HDLBP: variants seen among roughly 807,000 people sequenced by gnomAD.
HDLBP encodes vigilin.
HDLBP carries 30 observed loss-of-function variants against 137.3 expected under a neutral mutation model. The ratio of observed to expected loss-of-function variants is 0.22; its 90% CI spans 0.16 to 0.30. The LOEUF is 0.30. Ranked by LOEUF, HDLBP falls within the 10% of genes least tolerant of loss-of-function variation. The pLI is 1.00. For missense variants in HDLBP, 1,119 were observed against 1,667.3 expected (o/e 0.67, Z 5.73); for synonymous variants, 606 against 596.0 (o/e 1.02, Z -0.24).
Position 241,270,357 on chromosome 2 carries a change from T to TA in HDLBP, c.-102-1817dup, listed in dbSNP as rs1427294777. Among the ~76,000 whole-genome samples the TA allele has an allele frequency of 3.3e-5, 5 of 152,320 alleles. No homozygotes were observed. In the East Asian group the frequency reaches 9.6e-4, roughly 29 times the overall value. On this transcript the variant is annotated intron_variant, in intron 1 of 27. Transcript: ENST00000310931. ...GGTTTGACAGGCTATACTGGGTCCC[T>TA]AGCCTCCAGATTCCAAGTGGCAGTT...
intron 1 of HDLBP, among the ~76,000 whole-genome samples, chr2:241,309,826 C>T (rs1023551318): frequency 6.6e-6 from 1 of 152,226 alleles, no homozygotes; most frequent in Non-Finnish European, 1.5e-5. Flanking sequence ...TGCTCCCAGG[C>T]CTCTCTCCTC....
At chr2:241,241,722 G>A (rs1224365020) in intron 17 of HDLBP, among the ~76,000 whole-genome samples, 1 of 151,726 alleles carries the variant, frequency 6.6e-6, no homozygotes, top group African/African-American at 2.4e-5. Context: ...GAAAAAAAGT[G>A]CCATTTACAA....
chr2:241,282,755 T>TA (rs1196805242), intron 1 of HDLBP, among the ~76,000 whole-genome samples: 7 of 152,164 alleles, frequency 4.6e-5, no homozygotes, highest in African/African-American at 1.7e-4. Context: ...GCAGAGAACT[T>TA]AATCAATCAA....
intron 1 of HDLBP, among the ~76,000 whole-genome samples, chr2:241,299,673 T>C (rs1213205661): frequency 6.6e-6 from 1 of 152,174 alleles, no homozygotes; most frequent in Non-Finnish European, 1.5e-5. Context: ...CCCAGCACTC[T>C]GGGAGGCCTA....
intron 21 of HDLBP, chr2:241,236,144 T>G (rs2070395214): frequency 5.0e-6 from 1 of 198,900 alleles, no homozygotes; most frequent in South Asian, 1.1e-4. Context: ...GTTGACTGCT[T>G]GTCTCTCCAC....
rs2071130865 is a variant in HDLBP, at chr2:241,240,741, C to T, written c.2170-619G>A. ...CAGAGGCCTCGTGTAGTGCGACGCC[C>T]TTGTGTGGCAGTAAGAAAACGAGGG... On this transcript the variant is annotated intron_variant, in intron 17 of 27. Coordinates refer to ENST00000310931, the MANE Select transcript of HDLBP (RefSeq NM_005336.6). This position sits in a 1 kb window ranked among gnomAD's most constrained non-coding sequence, Gnocchi z 5.5. Among the ~76,000 whole-genome samples, 1 of 151,958 alleles carries T rather than the reference C, an allele frequency of 6.6e-6. No homozygotes were observed. The highest frequency in any genetic ancestry group is 1.5e-5 in the Non-Finnish European group (1 of 68,016).
At chr2:241,229,783 T>TGGGG in intron 27 of HDLBP, 50 bp downstream of exon 27, 16 of 1,524,606 alleles carry the variant, frequency 1.0e-5, no homozygotes, top group Non-Finnish European at 1.3e-5. Flanking sequence ...CAAGCCCGCC[T>TGGGG]GCCCGCCCAC....
rs1340226483 is a variant in HDLBP, at chr2:241,248,269, C to T, written c.1592G>A (p.Arg531His). The T allele has an allele frequency of 8.7e-6, 14 of 1,613,640 alleles. No individual in the cohort carries two copies. Among genetic ancestry groups the T allele is most frequent in the African/African-American group, 1.3e-5 (1 of 74,914 alleles). The change falls in exon 13 of 28, where the codon CGT becomes CAT. Residue 531 changes from arginine (R) to histidine (H), a missense_variant. This residue lies in a region of HDLBP where 425 missense variants were observed against 693.9 expected (regional missense o/e 0.61). Coordinates refer to ENST00000310931, the MANE Select transcript of HDLBP (RefSeq NM_005336.6). ...CTCTGGGAATTTGTCACGAATTTCA[C>T]GGATCCGTTCACCCTTCTGCCCAAT... ...TIIGQKGERI[R>H]EIRDKFPEVI...
At chr2:241,243,333 C>A (rs902823810) in intron 16 of HDLBP, among the ~76,000 whole-genome samples, 2 of 152,218 alleles carry the variant, frequency 1.3e-5, no homozygotes, top group African/African-American at 4.8e-5. Flanking sequence ...TCACCCTGGG[C>A]CTGGGAAAGA....
chr2:241,260,248 TGCCCGCCTCA>T lies in HDLBP; in HGVS notation c.450+2453_450+2462del, dbSNP rs113403304. Among the ~76,000 whole-genome samples, 9 of 152,230 alleles carry T rather than the reference TGCCCGCCTCA, an allele frequency of 5.9e-5. 1 individual carries two copies. Among genetic ancestry groups the T allele is most frequent in the African/African-American group, 2.2e-4 (9 of 41,534 alleles). On this transcript the variant is annotated intron_variant, in intron 5 of 27. Coordinates refer to ENST00000310931, the MANE Select transcript of HDLBP (RefSeq NM_005336.6). ...CTCAAACTCCTGACCTGAGGTGATC[TGCCCGCCTCA>T]GCCTCCCAAAGTGCTAGGATTATAG... is the stretch of plus-strand genomic sequence containing the variant.
At chr2:241,314,623 C>T (rs1449454094) in intron 1 of HDLBP, among the ~76,000 whole-genome samples, 1 of 152,142 alleles carries the variant, frequency 6.6e-6, no homozygotes, top group Non-Finnish European at 1.5e-5. Flanking sequence ...TAAGCAAAGC[C>T]CAAGTCGACT....
In HDLBP at chr2:241,258,240, G is replaced by A. The variant is rs563749500; in HGVS notation, c.451-1434C>T. ...CAGGCGCCTGTAATCCCAGCTACTC[G>A]GGAGGCTGAGGCAGGCGAATGGCGT... On this transcript the variant is annotated intron_variant, in intron 5 of 27. Coordinates refer to ENST00000310931, the MANE Select transcript of HDLBP (RefSeq NM_005336.6). 6.6e-4 allele frequency among the ~76,000 whole-genome samples: 100 copies of A among 151,874 alleles called. 1 individual carries two copies. Among genetic ancestry groups the A allele is most frequent in the Non-Finnish European group, 1.1e-3 (78 of 67,944 alleles).
At chr2:241,309,258 G>A (rs1483913586) in intron 1 of HDLBP, among the ~76,000 whole-genome samples, 8 of 151,954 alleles carry the variant, frequency 5.3e-5, no homozygotes, top group Non-Finnish European at 1.0e-4. Flanking sequence ...GCCTGACACC[G>A]CTTACCAAAA....
intron 1 of HDLBP, among the ~76,000 whole-genome samples, chr2:241,270,233 G>A (rs2073951169): frequency 6.6e-6 from 1 of 152,166 alleles, no homozygotes; most frequent in Admixed American, 6.5e-5. Context: ...CTGTGTCTGA[G>A]GGAGACCCTG....
At chr2:241,314,729 C>T (rs936134941) in intron 1 of HDLBP, among the ~76,000 whole-genome samples, 1 of 152,164 alleles carries the variant, frequency 6.6e-6, no homozygotes, top group Non-Finnish European at 1.5e-5. Flanking sequence ...TAGCCTTGAG[C>T]ACCTAACCAC....
rs967213055 is a variant in HDLBP at position 241,296,880 on chromosome 2, T to C, written c.-103+18690A>G. ...GTGCCTGCAAAAGAATACAGAAGCA[T>C]AGGTGTGACAGGTGAGGCTCACAAC... is the stretch of plus-strand genomic sequence containing the variant. On this transcript the variant is annotated intron_variant, in intron 1 of 27. Coordinates refer to ENST00000310931, the MANE Select transcript of HDLBP (RefSeq NM_005336.6). Among the ~76,000 whole-genome samples the C allele has an allele frequency of 7.9e-5, 12 of 152,352 alleles. No homozygotes were observed. The East Asian group carries it at 1.9e-3, about 24-fold the overall frequency.
At chr2:241,267,512 GATC>G in intron 2 of HDLBP, 1 of 1,459,144 alleles carries the variant, frequency 6.9e-7, no homozygotes, top group Non-Finnish European at 9.3e-7. Flanking sequence ...TCCAGGCATA[GATC>G]AACACCAGGA....
chr2:241,272,190 C>T lies in HDLBP; in HGVS notation c.-102-3649G>A. 4.1e-6 allele frequency: 4 copies of T among 985,062 alleles called. No individual in the cohort carries two copies. Among genetic ancestry groups the T allele is most frequent in the Non-Finnish European group, 3.6e-6 (3 of 829,638 alleles). 61.0% of individuals were successfully genotyped at this position (985,062 alleles called of 1,614,324 possible). A position where few individuals can be genotyped will look rare whatever the true frequency, so the allele number is the denominator to read the frequency against. On this transcript the variant is annotated intron_variant, in intron 1 of 27. Coordinates refer to ENST00000310931, the MANE Select transcript of HDLBP (RefSeq NM_005336.6). This position sits in a 1 kb window ranked among gnomAD's most constrained non-coding sequence, Gnocchi z 5.6. Reference sequence around the variant, plus strand: ...GTAGACTGACGCGGGCCCCGCGCGGCAGGTGGAGGTGCTGCGGGGGCCCCG... The same window carrying T: ...GTAGACTGACGCGGGCCCCGCGCGGTAGGTGGAGGTGCTGCGGGGGCCCCG...
chr2:241,230,953 G>C lies in HDLBP; in HGVS notation c.3289-9C>G, dbSNP rs755132007. ...GTAATTTGGTCCTGGGGCTAAAAAA[G>C]GAGAATGTAGTCAGAAAAGGGGATG... On this transcript the variant is annotated splice_polypyrimidine_tract_variant and intron_variant, in intron 24 of 27. Transcript: ENST00000310931. This position sits in a 1 kb window ranked among gnomAD's most constrained non-coding sequence, Gnocchi z 5.0. 6.2e-6 allele frequency: 10 copies of C among 1,610,512 alleles called. No individual in the cohort carries two copies. The highest frequency in any genetic ancestry group is 8.5e-6 in the Non-Finnish European group (10 of 1,176,932).
Sources: allele counts gnomAD v4.1 joint callset (sites outside exome capture counted in the v4.1 genomes callset), GRCh38; gene constraint gnomAD v4.1.1; regional missense constraint gnomAD v4.1.1; non-coding constraint Gnocchi (gnomAD v3.1); transcripts MANE v1.5; gene names NCBI Gene and HGNC (gene_info 2026-07-23, HGNC 2026-07-21).